Variants in FCHO2 observed in about 807,000 individuals in gnomAD.
FCHO2 encodes the protein F-BAR domain only protein 2.
A neutral mutation model predicts 114.1 loss-of-function variants in FCHO2; 43 were observed. The ratio of observed to expected loss-of-function variants is 0.38; its 90% CI spans 0.30 to 0.49. The LOEUF is 0.49. Ranked by LOEUF, FCHO2 falls within the 20% of genes least tolerant of loss-of-function variation. The pLI is 0.97. For synonymous variants in FCHO2, 293 were observed against 315.2 expected (o/e 0.93, Z 0.75); for missense variants, 807 against 950.4 (o/e 0.85, Z 1.98).
intron 11 of FCHO2, 21 bp from the exon 12 acceptor site, chr5:73,051,328 T>G (rs1333993753): frequency 6.7e-7 from 1 of 1,481,730 alleles, no homozygotes; most frequent in South Asian, 1.3e-5. Flanking sequence ...TCATTATAAT[T>G]TTTTTTTCTT....
chr5:73,007,376 G>A (rs2112717571), intron 6 of FCHO2, among the ~76,000 whole-genome samples: 1 of 152,286 alleles, frequency 6.6e-6, no homozygotes, highest in Admixed American at 6.5e-5. Context: ...AAGCACATGA[G>A]TTCTTTTACC....
intron 10 of FCHO2, among the ~76,000 whole-genome samples, chr5:73,039,935 G>C (rs1384681359): frequency 7.7e-6 from 1 of 129,254 alleles, no homozygotes; most frequent in Non-Finnish European, 1.7e-5. Context: ...CTGTGTCAGA[G>C]AAAAAAAGAA....
Position 73,082,779 on chromosome 5 carries a change from A to G in FCHO2, c.2199A>G (p.Lys733=), listed in dbSNP as rs776855097. 2 of 1,607,058 alleles carry G rather than the reference A, an allele frequency of 1.2e-6. No individual in the cohort carries two copies. Among genetic ancestry groups the G allele is most frequent in the Middle Eastern group, 1.7e-4 (1 of 6,050 alleles). The part of the protein sequence containing the change: ...PPAIWNAEQM[K]AFWKLSSISE... The stretch of plus-strand genomic sequence containing the variant: ...ATTGCAGGAATGCAGAACAAATGAA[A>G]GCCTTTTGGAAATTGTCTAGTATTT... Residue 733 remains lysine, a synonymous_variant, in exon 24 of 26, where the codon AAA becomes AAG. Transcript: ENST00000430046.
intron 2 of FCHO2, among the ~76,000 whole-genome samples, chr5:72,983,581 G>C (rs1180444210): frequency 7.0e-6 from 1 of 143,828 alleles, no homozygotes; most frequent in Non-Finnish European, 1.5e-5. Context: ...GAGAGACAAG[G>C]TTTCACCATG....
chr5:73,049,171 C>T (rs1047514451), intron 11 of FCHO2, among the ~76,000 whole-genome samples: 9 of 152,098 alleles, frequency 5.9e-5, no homozygotes, highest in East Asian at 5.8e-4. Flanking sequence ...CCACCGCGCC[C>T]GGCCTGAATT....
At chr5:73,085,777 AAAATAAATAAATAAAT>A (rs144379859) in intron 24 of FCHO2, among the ~76,000 whole-genome samples, 62,392 of 139,936 alleles carry the variant, frequency 0.45, 14,485 homozygotes, top group Admixed American at 0.57. Context: ...TCTGTCTCAA[AAAATAAATAAATAAAT>A]AAATAAATAA....
At position 73,078,306 on chromosome 5, in the gene FCHO2, G is replaced by C; in HGVS notation, c.1974G>C (p.Lys658Asn). The change falls in exon 22 of 26, where the codon AAG (lysine) becomes AAC (asparagine). Residue 658 changes from lysine to asparagine, a missense_variant. By Grantham distance (94) the Lys-to-Asn change is moderately conservative. Transcript: ENST00000430046. ...AASYYNVDVLKYQVSSNGIQS... is the reference protein window; with the variant it reads ...AASYYNVDVLNYQVSSNGIQS... ...CTTATTATAATGTAGATGTATTAAA[G>C]TATCAGGTGAGTGTCACGACATTGC... 1.3e-6 allele frequency: 2 copies of C among 1,598,044 alleles called. No individual in the cohort carries two copies. Among genetic ancestry groups the C allele is most frequent in the Non-Finnish European group, 1.7e-6 (2 of 1,173,906 alleles).
At chr5:73,032,224 G>GGTTTTTTTAAAACC (rs1263530676) in intron 8 of FCHO2, among the ~76,000 whole-genome samples, 2 of 152,144 alleles carry the variant, frequency 1.3e-5, no homozygotes, top group Non-Finnish European at 2.9e-5. Flanking sequence ...GTTCATGCAT[G>GGTTTTTTTAAAACC]ATTTAATGGT....
chr5:73,045,273 A>C (rs1168459918), intron 11 of FCHO2, among the ~76,000 whole-genome samples: 2 of 152,212 alleles, frequency 1.3e-5, no homozygotes, highest in Non-Finnish European at 2.9e-5. Context: ...CGCCTTCCTT[A>C]ACTTCTGGCA....
intron 17 of FCHO2, 87 bp from the exon 18 acceptor site, chr5:73,063,754 A>G (rs1048728390): frequency 8.0e-6 from 10 of 1,251,902 alleles, no homozygotes; most frequent in African/African-American, 1.5e-5. Flanking sequence ...TTTGATTACC[A>G]AAAGTTTCTT....
chr5:73,046,551 G>T (rs777036216), intron 11 of FCHO2, among the ~76,000 whole-genome samples: 8 of 152,122 alleles, frequency 5.3e-5, no homozygotes, highest in Non-Finnish European at 1.0e-4. Context: ...ATTTGAGATA[G>T]AACCTCTGGG....
chr5:73,056,959 T>A (rs1453871154), intron 16 of FCHO2, among the ~76,000 whole-genome samples: 1 of 152,016 alleles, frequency 6.6e-6, no homozygotes, highest in Non-Finnish European at 1.5e-5. Flanking sequence ...GAGTTAATGG[T>A]TTTTTGCTTG....
At chr5:73,080,284 G>A (rs954360380) in intron 22 of FCHO2, among the ~76,000 whole-genome samples, 3 of 152,136 alleles carry the variant, frequency 2.0e-5, no homozygotes, top group Non-Finnish European at 2.9e-5. Flanking sequence ...ATGAAAGTTC[G>A]CTTTATCCAG....
At chr5:73,083,265 C>T (rs937658166) in intron 24 of FCHO2, among the ~76,000 whole-genome samples, 1 of 151,998 alleles carries the variant, frequency 6.6e-6, no homozygotes, top group African/African-American at 2.4e-5. Flanking sequence ...AATTTCATGC[C>T]CTCAGTTCTA....
intron 2 of FCHO2, among the ~76,000 whole-genome samples, chr5:72,988,221 CA>C (rs1361629109): frequency 1.3e-5 from 2 of 152,148 alleles, no homozygotes; most frequent in Non-Finnish European, 2.9e-5. Flanking sequence ...GGGCGGATCA[CA>C]AGGTCAGGAG....
chr5:73,070,950 G>A (rs902717242), intron 19 of FCHO2, among the ~76,000 whole-genome samples: 2 of 152,018 alleles, frequency 1.3e-5, no homozygotes, highest in African/African-American at 4.8e-5. Flanking sequence ...GACGTCACCA[G>A]GTATTGTATC....
intron 5 of FCHO2, among the ~76,000 whole-genome samples, chr5:73,003,838 G>A (rs1754572247): frequency 6.6e-6 from 1 of 151,830 alleles, no homozygotes; most frequent in Admixed American, 6.6e-5. Flanking sequence ...GAGTTCAGGA[G>A]TTCGAGATCA....
intron 6 of FCHO2, among the ~76,000 whole-genome samples, chr5:73,013,237 G>A (rs373666507): frequency 1.9e-4 from 29 of 151,428 alleles, no homozygotes; most frequent in Non-Finnish European, 2.1e-4. Flanking sequence ...CAATACTGCC[G>A]AAACTGTAAT....
intron 11 of FCHO2, among the ~76,000 whole-genome samples, chr5:73,045,525 T>C (rs1017276885): frequency 2.0e-5 from 3 of 152,224 alleles, no homozygotes; most frequent in Admixed American, 2.0e-4. Context: ...TGGTTGTTTT[T>C]CAATTTTTGG....
Sources: gnomAD v4.1 joint callset for allele counts (sites outside exome capture counted in the v4.1 genomes callset) on GRCh38, gnomAD v4.1.1 for gene constraint, MANE v1.5 for transcripts, NCBI Gene and HGNC (gene_info 2026-07-23, HGNC 2026-07-21) for gene names.